Variants in RPRD1A observed in about 807,000 individuals in gnomAD.
The protein encoded by RPRD1A is regulation of nuclear pre-mRNA domain-containing protein 1A.
Under a neutral mutation model 37.8 loss-of-function variants are expected in RPRD1A, and 9 were observed. The ratio of observed to expected loss-of-function variants is 0.24; its 90% confidence interval spans 0.14 to 0.42. The LOEUF (loss-of-function observed/expected upper bound fraction) is 0.42, where lower values mean the gene tolerates loss of function less well. Ranked by LOEUF, RPRD1A falls within the 10% of genes least tolerant of loss-of-function variation. The pLI, the probability that RPRD1A is intolerant of heterozygous loss-of-function variation, is 1.00. For missense variants in RPRD1A, 255 were observed against 371.0 expected (o/e 0.69, Z 2.57); for synonymous variants, 138 against 139.7 (o/e 0.99, Z 0.08).
intron 1 of RPRD1A, among the ~76,000 whole-genome samples, chr18:36,036,699 C>T (rs1379377264): frequency 2.6e-5 from 4 of 152,022 alleles, no homozygotes; most frequent in Non-Finnish European, 2.9e-5. Context: ...TAATTAATGG[C>T]GGTAATCACA....
intron 6 of RPRD1A, among the ~76,000 whole-genome samples, chr18:35,998,122 G>A (rs1459484346): frequency 6.6e-6 from 1 of 152,206 alleles, no homozygotes; most frequent in Non-Finnish European, 1.5e-5. Flanking sequence ...ACTTCGGGAG[G>A]CCAAGGCGGG....
intron 4 of RPRD1A, 133 bp from the exon 5 acceptor site, chr18:36,027,443 C>T: frequency 1.2e-6 from 1 of 868,842 alleles, no homozygotes; most frequent in Non-Finnish European, 1.8e-6. Flanking sequence ...CTTTTGAAGA[C>T]AATCAATTTC....
intron 6 of RPRD1A, among the ~76,000 whole-genome samples, chr18:36,007,639 C>G (rs909892270): frequency 6.6e-6 from 1 of 152,062 alleles, no homozygotes; most frequent in Non-Finnish European, 1.5e-5. Flanking sequence ...CCAGATCGAT[C>G]TACTAAAAAC....
intron 6 of RPRD1A, among the ~76,000 whole-genome samples, chr18:36,019,444 G>T (rs887141240): frequency 9.9e-5 from 15 of 152,048 alleles, no homozygotes; most frequent in Admixed American, 9.2e-4. Flanking sequence ...GATGGGATCT[G>T]ATTTCTTAAA....
At chr18:36,063,806 A>G (rs756980658) in intron 1 of RPRD1A, among the ~76,000 whole-genome samples, 1 of 152,214 alleles carries the variant, frequency 6.6e-6, no homozygotes, top group African/African-American at 2.4e-5. Flanking sequence ...GTCATCTGTC[A>G]AGAAAAGGAA....
chr18:36,017,115 G>A (rs1910641416), intron 6 of RPRD1A, among the ~76,000 whole-genome samples: 1 of 152,082 alleles, frequency 6.6e-6, no homozygotes, highest in Non-Finnish European at 1.5e-5. Context: ...TTCGAGACCA[G>A]CCTGGGCAAC....
At chr18:36,064,306 C>T (rs1370455990) in intron 1 of RPRD1A, 1 of 152,534 alleles carries the variant, frequency 6.6e-6, no homozygotes, top group East Asian at 1.9e-4. Flanking sequence ...GCCTGCTGGG[C>T]TTGATGGGGG....
intron 4 of RPRD1A, among the ~76,000 whole-genome samples, chr18:36,029,500 T>C (rs1271744013): frequency 2.0e-5 from 3 of 152,152 alleles, no homozygotes; most frequent in Non-Finnish European, 4.4e-5. Context: ...TTCTAACCCA[T>C]GAAAATACAT....
intron 1 of RPRD1A, among the ~76,000 whole-genome samples, chr18:36,057,641 T>C (rs1232650478): frequency 2.0e-5 from 3 of 152,094 alleles, no homozygotes; most frequent in Admixed American, 2.0e-4. Context: ...TAAAAGTTTA[T>C]CTAAATGTGT....
chr18:36,042,714 A>C (rs1912670241), intron 1 of RPRD1A, among the ~76,000 whole-genome samples: 1 of 152,216 alleles, frequency 6.6e-6, no homozygotes, highest in South Asian at 2.1e-4. Flanking sequence ...ACAAATGTTA[A>C]AGAATTAAAA....
rs114024356 is a variant in RPRD1A at position 36,038,792 on chromosome 18, A to T, written c.152-4955T>A. 7.6e-3 allele frequency among the ~76,000 whole-genome samples: 1,154 copies of T among 152,290 alleles called. 16 individuals are homozygous for T. Among genetic ancestry groups the T allele is most frequent in the African/African-American group, 0.026 (1,096 of 41,566 alleles). ...AGTGTGCCCTGGATGTGAGACAGGG[A>T]GTCAAAGGTGATTTTGGAGCTTTAA... On this transcript the variant is annotated intron_variant, in intron 1 of 6. Coordinates refer to ENST00000399022, the MANE Select transcript of RPRD1A (RefSeq NM_018170.5).
rs144210128 is a variant in RPRD1A at position 36,058,029 on chromosome 18, G to A, written c.151+9225C>T. On this transcript the variant is annotated intron_variant, in intron 1 of 6. Transcript: ENST00000399022. The stretch of plus-strand genomic sequence containing the variant: ...GGTCAACAAGTATTTCTTGAATAAA[G>A]AAACCTAATAGAAGAAACTTCTTGT... Among the ~76,000 whole-genome samples the A allele has an allele frequency of 3.1e-3, 478 of 152,244 alleles. 1 individual carries two copies. Among genetic ancestry groups the A allele is most frequent in the African/African-American group, 0.011 (465 of 41,562 alleles).
chr18:36,013,971 T>A (rs1910337006), intron 6 of RPRD1A, among the ~76,000 whole-genome samples: 1 of 152,120 alleles, frequency 6.6e-6, no homozygotes, highest in Non-Finnish European at 1.5e-5. Flanking sequence ...TTGTTTCAAG[T>A]CATGCATTTT....
intron 1 of RPRD1A, among the ~76,000 whole-genome samples, chr18:36,049,886 C>A (rs940717470): frequency 2.6e-5 from 4 of 152,170 alleles, no homozygotes; most frequent in Non-Finnish European, 5.9e-5. Context: ...TTTTTAGAAA[C>A]TGCCATACAG....
chr18:36,030,275 A>G (rs1911680569), intron 4 of RPRD1A, among the ~76,000 whole-genome samples: 1 of 151,614 alleles, frequency 6.6e-6, no homozygotes, highest in African/African-American at 2.4e-5. Flanking sequence ...ACTTGAGGCC[A>G]GGAGTTCAAG....
At chr18:36,030,754 G>T in intron 4 of RPRD1A, 54 bp downstream of exon 4, 4 of 1,049,672 alleles carry the variant, frequency 3.8e-6, no homozygotes, top group Non-Finnish European at 5.8e-6. Flanking sequence ...AATAAAGCTT[G>T]GTGGCAACAT....
rs1359543093 is a variant in RPRD1A at position 36,008,571 on chromosome 18, G to GTATATATA, written c.790-15272_790-15271insTATATATA. Among the ~76,000 whole-genome samples the GTATATATA allele has an allele frequency of 1.3e-3, 37 of 27,936 alleles. 2 individuals carry two copies. The highest frequency in any genetic ancestry group is 3.3e-3 in the African/African-American group (19 of 5,832). 18.3% of individuals were successfully genotyped at this position (27,936 alleles called of 152,430 possible). ...AGCCTGGGCGACACAGCAAGACCTT[G>GTATATATA]TGTGTGTATATATATATATCTTTAA... On this transcript the variant is annotated intron_variant, in intron 6 of 6. Transcript: ENST00000399022.
chr18:36,035,624 T>C (rs1912132958), intron 1 of RPRD1A, among the ~76,000 whole-genome samples: 1 of 152,156 alleles, frequency 6.6e-6, no homozygotes, highest in Non-Finnish European at 1.5e-5. Context: ...AAACAAAAAG[T>C]AGCAACTGAA....
intron 1 of RPRD1A, among the ~76,000 whole-genome samples, chr18:36,053,087 G>A (rs955650380): frequency 6.6e-6 from 1 of 152,116 alleles, no homozygotes; most frequent in African/African-American, 2.4e-5. Flanking sequence ...CTGGAGACTA[G>A]GGGATAGAGG....
Sources: gnomAD v4.1 joint callset for allele counts (sites outside exome capture counted in the v4.1 genomes callset) on GRCh38, gnomAD v4.1.1 for gene constraint, MANE v1.5 for transcripts, NCBI Gene and HGNC (gene_info 2026-07-23, HGNC 2026-07-21) for gene names.